The following SLC5A11 variants were observed in gnomAD, a reference collection of about 807,000 sequenced individuals.
SLC5A11 encodes sodium/myo-inositol cotransporter 2.
Under a neutral mutation model 69.8 loss-of-function variants are expected in SLC5A11, and 48 were observed. The observed-to-expected ratio is 0.69, with a 90% CI of 0.55 to 0.87. The LOEUF (loss-of-function observed/expected upper bound fraction) is 0.87. Among genes scored for constraint, SLC5A11 ranks in the 40% least tolerant of loss-of-function variants. The pLI is 0.00. For synonymous variants in SLC5A11, 319 were observed against 342.4 expected (o/e 0.93, Z 0.75); for missense variants, 784 against 866.1 (o/e 0.91, Z 1.19).
intron 4 of SLC5A11, among the ~76,000 whole-genome samples, chr16:24,870,438 A>C (rs1476773727): frequency 1.1e-3 from 110 of 104,652 alleles, no homozygotes; most frequent in African/African-American, 3.7e-3. Context: ...AAAAAACAAA[A>C]AAAAACACAC....
intron 8 of SLC5A11, among the ~76,000 whole-genome samples, chr16:24,889,800 G>A (rs1298502462): frequency 1.3e-5 from 2 of 151,838 alleles, no homozygotes; most frequent in Non-Finnish European, 2.9e-5. Context: ...CGCCCACCTC[G>A]GCCTCCCAAA....
intron 1 of SLC5A11, among the ~76,000 whole-genome samples, chr16:24,847,932 G>A (rs1366661754): frequency 6.6e-6 from 1 of 152,202 alleles, no homozygotes; most frequent in Non-Finnish European, 1.5e-5. Flanking sequence ...CAGACAAGGG[G>A]TAATCACACA....
intron 9 of SLC5A11, 114 bp downstream of exon 10, chr16:24,891,188 C>A: frequency 2.2e-6 from 2 of 930,078 alleles, no homozygotes; most frequent in Non-Finnish European, 3.3e-6. Context: ...GTTTTCCCTG[C>A]TTCCTTGACT....
At position 24,875,748 on chromosome 16, in the gene SLC5A11, G is replaced by C. The variant is rs758140398; in HGVS notation, c.477+17G>C. On this transcript the variant is annotated intron_variant, in intron 6 of 15. Coordinates refer to ENST00000347898, the Ensembl canonical transcript of SLC5A11. ...AAGATCTCGGTAAGGCAGGGACACA[G>C]CCTGGCCTCACCCATGCAGCATGGG... 1.9e-6 allele frequency: 3 copies of C among 1,599,496 alleles called. No homozygotes were observed. In the African/African-American group the frequency reaches 4.0e-5, roughly 21 times the overall value.
intron 2 of SLC5A11, 35 bp downstream of exon 3, chr16:24,858,813 G>A (rs778881618): frequency 2.0e-5 from 32 of 1,597,560 alleles, no homozygotes; most frequent in Non-Finnish European, 2.6e-5. Flanking sequence ...GGGATGAAGA[G>A]AGAAGGAAAT....
chr16:24,891,141 G>A (rs979916841), intron 9 of SLC5A11, 67 bp downstream of exon 10: 47 of 1,527,644 alleles, frequency 3.1e-5, no homozygotes, highest in South Asian at 4.7e-5. Context: ...GGCTGAAGTC[G>A]GTGCTTTTTT....
intron 14 of SLC5A11, 53 bp from the exon 16 acceptor site, chr16:24,910,253 C>T (rs781582638): frequency 4.4e-5 from 69 of 1,582,726 alleles, no homozygotes; most frequent in Admixed American, 1.0e-4. Flanking sequence ...AAAGGATGGA[C>T]AACCCCGGCC....
chr16:24,855,452 A>AT (rs1490608129), intron 1 of SLC5A11, among the ~76,000 whole-genome samples: 1 of 151,214 alleles, frequency 6.6e-6, no homozygotes, highest in African/African-American at 2.4e-5. Flanking sequence ...AAAAAAAAAA[A>AT]ATTAGCCAGG....
exon 15 of SLC5A11, chr16:24,910,386 T>A (rs770611249): frequency 1.2e-6 from 2 of 1,614,110 alleles, no homozygotes; most frequent in South Asian, 1.1e-5. Flanking sequence ...CCTTGTCTCT[T>A]ACCCTCTCTC....
chr16:24,888,486 T>C (rs900257630), intron 8 of SLC5A11, among the ~76,000 whole-genome samples: 2 of 140,208 alleles, frequency 1.4e-5, no homozygotes, highest in African/African-American at 2.7e-5. Flanking sequence ...TTCTTTTTTT[T>C]TTTTTTTTTT....
At chr16:24,903,146 C>T (rs937824007) in intron 10 of SLC5A11, among the ~76,000 whole-genome samples, 4 of 151,174 alleles carry the variant, frequency 2.6e-5, no homozygotes, top group South Asian at 2.1e-4. Context: ...CTTTCAGTCC[C>T]GATTCAAAAC....
intron 3 of SLC5A11, among the ~76,000 whole-genome samples, chr16:24,862,971 A>ATATATAATCATATAT (rs1401280050): frequency 2.1e-4 from 28 of 135,512 alleles, no homozygotes; most frequent in African/African-American, 8.1e-4. Flanking sequence ...ATATTATATA[A>ATATATAATCATATAT]TATATAATTA....
At chr16:24,896,942 CTTTTTTTTTTTTTTTTT>C (rs869210839) in intron 9 of SLC5A11, among the ~76,000 whole-genome samples, 2 of 97,092 alleles carry the variant, frequency 2.1e-5, no homozygotes, top group Admixed American at 2.4e-4. Context: ...AACCTCCTTC[CTTTTTTTTTTTTTTTTT>C]TTTTTTTTTT....
rs991162532 is a variant in SLC5A11, at chr16:24,890,059, T to A, written c.665-810T>A. Among the ~76,000 whole-genome samples the A allele has an allele frequency of 8.5e-5, 13 of 152,248 alleles. No homozygotes were observed. In the East Asian group the frequency reaches 2.3e-3, roughly 27 times the overall value. On this transcript the variant is annotated intron_variant, in intron 8 of 15. Coordinates refer to ENST00000347898, the Ensembl canonical transcript of SLC5A11. ...AGGCAGATTAATAGAAGAAAAGGCA[T>A]ACAAATTTATTAGCACACACAGGGG...
intron 10 of SLC5A11, among the ~76,000 whole-genome samples, chr16:24,900,587 A>C (rs928542541): frequency 6.6e-6 from 1 of 152,158 alleles, no homozygotes; most frequent in African/African-American, 2.4e-5. Flanking sequence ...GAAAATATAC[A>C]GCTGTTCAGC....
chr16:24,870,059 ATCTCAG>A, intron 4 of SLC5A11, 54 bp downstream of exon 5: 3 of 1,288,316 alleles, frequency 2.3e-6, no homozygotes, highest in Non-Finnish European at 2.2e-6. Context: ...TAACAGGTAG[ATCTCAG>A]GGGAAAGTTG....
At chr16:24,847,273 CTG>C (rs1320507918) in intron 1 of SLC5A11, among the ~76,000 whole-genome samples, 1 of 145,190 alleles carries the variant, frequency 6.9e-6, no homozygotes, top group East Asian at 2.0e-4. Context: ...TCCCACCTCT[CTG>C]TTTCTCTTTC....
At chr16:24,869,299 C>T (rs1389872109) in intron 3 of SLC5A11, among the ~76,000 whole-genome samples, 1 of 152,130 alleles carries the variant, frequency 6.6e-6, no homozygotes, top group African/African-American at 2.4e-5. Flanking sequence ...TTCAATATCT[C>T]CAGTCCAAGG....
intron 14 of SLC5A11, among the ~76,000 whole-genome samples, 197 bp from the exon 16 acceptor site, chr16:24,910,109 T>G (rs2050397318): frequency 7.8e-6 from 1 of 128,170 alleles, no homozygotes; most frequent in Admixed American, 1.0e-4. Context: ...GACGTGGGAA[T>G]GAGCAGGGGA....
Sources: allele counts gnomAD v4.1 joint callset (sites outside exome capture counted in the v4.1 genomes callset), GRCh38; gene constraint gnomAD v4.1.1; transcripts MANE v1.5; gene names NCBI Gene and HGNC (gene_info 2026-07-23, HGNC 2026-07-21).